The following OSTC variants were observed in gnomAD, a reference collection of about 807,000 sequenced individuals.
The protein encoded by OSTC is oligosaccharyltransferase complex non-catalytic subunit.
In OSTC, 16 loss-of-function variants were observed where a neutral mutation model predicts 16.4. The ratio of observed to expected loss-of-function variants is 0.98; its 90% CI spans 0.66 to 1.49. The LOEUF is 1.49. Among genes scored for constraint, OSTC ranks in the 40% most tolerant of loss-of-function variants. The pLI is 0.00. For synonymous variants in OSTC, 67 were observed against 68.5 expected, an observed-to-expected ratio of 0.98 and a Z score of 0.11; for missense variants, 139 against 186.3, an observed-to-expected ratio of 0.75 and a Z score of 1.48.
intron 3 of OSTC, among the ~76,000 whole-genome samples, chr4:108,666,166 T>A (rs1726995567): frequency 6.6e-6 from 1 of 152,134 alleles, no homozygotes; most frequent in Non-Finnish European, 1.5e-5. Context: ...TTGTGCACAC[T>A]TTTTTGAAGT....
intron 3 of OSTC, among the ~76,000 whole-genome samples, chr4:108,662,639 A>T (rs1221705066): frequency 6.6e-6 from 1 of 152,190 alleles, no homozygotes; most frequent in Non-Finnish European, 1.5e-5. Flanking sequence ...ACTTGAGGGA[A>T]TAGATAACCT....
At chr4:108,664,345 T>G (rs10011349) in intron 3 of OSTC, among the ~76,000 whole-genome samples, 123,714 of 152,118 alleles carry the variant, frequency 0.81, 50,647 homozygotes, top group East Asian at 1. Flanking sequence ...ATATGCAAAT[T>G]ACAAGAAGTT....
At chr4:108,662,403 T>C (rs1180263092) in intron 3 of OSTC, among the ~76,000 whole-genome samples, 3 of 152,254 alleles carry the variant, frequency 2.0e-5, no homozygotes, top group Admixed American at 6.5e-5. Flanking sequence ...AACACTCATA[T>C]TTGTATGTAG....
Position 108,655,434 on chromosome 4 carries a change from C to T in OSTC, c.140-130C>T, listed in dbSNP as rs536691001. 1,186 of 555,288 alleles carry T rather than the reference C, an allele frequency of 2.1e-3. 2 individuals carry two copies. The highest frequency in any genetic ancestry group is 2.8e-3 in the Non-Finnish European group (955 of 337,328). 34.4% of individuals were successfully genotyped at this position (555,288 alleles called of 1,614,324 possible). ...GTAAGCCAAGTGGCGCCACTGCACT[C>T]TCAACCTGGGCGACAGAGTGAGACT... On this transcript the variant is annotated intron_variant, in intron 1 of 3. Transcript: ENST00000361564.
Position 108,667,591 on chromosome 4 carries a change from C to A in OSTC, c.*326C>A. ...CAAATAAAGTGATTATTTTTTACAACCCTCTTAACATTTTTTGGAGATGAC... is the reference window on the plus strand; with the variant it reads ...CAAATAAAGTGATTATTTTTTACAAACCTCTTAACATTTTTTGGAGATGAC... On this transcript the variant is annotated 3_prime_UTR_variant, in exon 4 of 4. Coordinates refer to ENST00000361564, the MANE Select transcript of OSTC (RefSeq NM_021227.4). 1 of 204,750 alleles carries A rather than the reference C, an allele frequency of 4.9e-6. No individual in the cohort carries two copies. The allele number at this position is 204,750 out of a possible 1,614,324, so 12.7% of individuals were successfully genotyped here. A position where few individuals can be genotyped will look rare whatever the true frequency, so the allele number is the denominator to read the frequency against.
chr4:108,650,761 C>G lies in OSTC; in HGVS notation c.106C>G (p.Leu36Val). 6.2e-7 allele frequency: 1 copy of G among 1,614,192 alleles called. No homozygotes were observed. Among genetic ancestry groups the G allele is most frequent in the East Asian group, 2.2e-5 (1 of 44,872 alleles). ...GCCGTCGGCCATGACTGTGTATGCTCTGGTGGTGGTGTCTTACTTCCTCAT... is the reference window on the plus strand; with the variant it reads ...GCCGTCGGCCATGACTGTGTATGCTGTGGTGGTGGTGTCTTACTTCCTCAT... ...HMPSAMTVYA[L>V]VVVSYFLITG... is the part of the protein sequence containing the mutation. The change falls in exon 1 of 4, where the codon CTG (leucine) becomes GTG (valine). Residue 36 changes from leucine (L) to valine (V), a missense_variant. Transcript: ENST00000361564.
At chr4:108,664,467 T>C (rs1014756178) in intron 3 of OSTC, among the ~76,000 whole-genome samples, 2 of 145,468 alleles carry the variant, frequency 1.4e-5, no homozygotes, top group African/African-American at 2.5e-5. Context: ...TTCTTGAACC[T>C]TTTTTTTTTT....
chr4:108,667,161 G>A, intron 3 of OSTC, 86 bp from the exon 4 acceptor site: 1 of 1,065,468 alleles, frequency 9.4e-7, no homozygotes, highest in African/African-American at 1.6e-5. Flanking sequence ...CATAAAATTT[G>A]TTTTGGCATT....
chr4:108,650,781 C>T lies in OSTC; in HGVS notation c.126C>T (p.Phe42=). Residue 42 remains phenylalanine, a synonymous_variant, in exon 1 of 4, where the codon TTC becomes TTT. Transcript: ENST00000361564. ...ATGCTCTGGTGGTGGTGTCTTACTTCCTCATCACCGGAGGTAACTCGGGCT... is the reference window on the plus strand; with the variant it reads ...ATGCTCTGGTGGTGGTGTCTTACTTTCTCATCACCGGAGGTAACTCGGGCT... The part of the protein sequence containing the change: ...TVYALVVVSY[F]LITGGIIYDV... 6.2e-7 allele frequency: 1 copy of T among 1,614,204 alleles called. No individual in the cohort carries two copies. The highest frequency in any genetic ancestry group is 2.2e-5 in the East Asian group (1 of 44,878).
intron 3 of OSTC, among the ~76,000 whole-genome samples, chr4:108,661,541 G>A (rs928818553): frequency 1.3e-5 from 2 of 152,172 alleles, no homozygotes; most frequent in African/African-American, 4.8e-5. Flanking sequence ...TCATTAGATT[G>A]TCTTTAGCCT....
At chr4:108,665,562 C>G (rs60526705) in intron 3 of OSTC, among the ~76,000 whole-genome samples, 10 of 134,304 alleles carry the variant, frequency 7.4e-5, no homozygotes, top group African/African-American at 2.9e-4. Flanking sequence ...TTTGTTTTTT[C>G]TTTTTTTTTT....
At chr4:108,657,917 CTTTTTTTTTTTTTTTTTTTT>C (rs70949037) in intron 3 of OSTC, among the ~76,000 whole-genome samples, 3 of 67,142 alleles carry the variant, frequency 4.5e-5, no homozygotes, top group Non-Finnish European at 7.7e-5. Context: ...GTCATTGTTT[CTTTTTTTTTTTTTTTTTTTT>C]TTTTTTTTTT....
At chr4:108,657,770 A>T in intron 3 of OSTC, 123 bp downstream of exon 3, 3 of 859,126 alleles carry the variant, frequency 3.5e-6, no homozygotes, top group South Asian at 3.6e-5. Flanking sequence ...CCAGAAACCA[A>T]ATATATTTGT....
chr4:108,657,898 C>T (rs1452135657), intron 3 of OSTC, among the ~76,000 whole-genome samples: 2 of 136,604 alleles, frequency 1.5e-5, no homozygotes, highest in African/African-American at 5.4e-5. Flanking sequence ...GCATCAATGA[C>T]TGAAGATAGT....
At chr4:108,659,205 C>T (rs114134748) in intron 3 of OSTC, among the ~76,000 whole-genome samples, 3,037 of 150,164 alleles carry the variant, frequency 0.02, 95 homozygotes, top group African/African-American at 0.07. Flanking sequence ...TGTTCTGGAA[C>T]GCTTGACTTC....
In OSTC at chr4:108,650,813, C is replaced by T; in HGVS notation, c.139+19C>T. On this transcript the variant is annotated intron_variant, in intron 1 of 3. Coordinates refer to ENST00000361564, the MANE Select transcript of OSTC (RefSeq NM_021227.4). ...ACCGGAGGTAACTCGGGCTGTCGGG[C>T]CCGAGAGGCTGAGGAGCGGAGAACT... 6.2e-7 allele frequency: 1 copy of T among 1,613,804 alleles called. No individual in the cohort carries two copies. The highest frequency in any genetic ancestry group is 8.5e-7 in the Non-Finnish European group (1 of 1,179,868).
At chr4:108,664,957 G>T (rs1396307959) in intron 3 of OSTC, among the ~76,000 whole-genome samples, 1 of 152,188 alleles carries the variant, frequency 6.6e-6, no homozygotes, top group Admixed American at 6.5e-5. Context: ...GTATCTGGTT[G>T]TCAAGGTGGT....
chr4:108,650,890 G>A, intron 1 of OSTC, 96 bp downstream of exon 1: 1 of 1,550,028 alleles, frequency 6.5e-7, no homozygotes, highest in Non-Finnish European at 8.8e-7. Context: ...CCCGGGGGAA[G>A]CATAGCTCTG....
At chr4:108,665,887 A>G (rs1258011151) in intron 3 of OSTC, among the ~76,000 whole-genome samples, 1 of 151,914 alleles carries the variant, frequency 6.6e-6, no homozygotes, top group Non-Finnish European at 1.5e-5. Context: ...ATACTTGTAC[A>G]TAATTTTTCC....
Sources: allele counts gnomAD v4.1 joint callset (sites outside exome capture counted in the v4.1 genomes callset), GRCh38; gene constraint gnomAD v4.1.1; transcripts MANE v1.5; gene names NCBI Gene and HGNC (gene_info 2026-07-23, HGNC 2026-07-21).